The following TTC27 variants were observed in gnomAD, a reference collection of about 807,000 sequenced individuals.
TTC27 encodes tetratricopeptide repeat domain 27, also known as tetratricopeptide repeat protein 27.
In TTC27, 79 loss-of-function variants were observed where a neutral mutation model predicts 115.9. The ratio of observed to expected loss-of-function variants is 0.68; its 90% CI spans 0.57 to 0.82. TTC27 has a LOEUF of 0.82. TTC27 is among the 40% of genes least tolerant of loss of function. The pLI is 0.00. For missense variants in TTC27, 1,054 were observed against 993.1 expected (o/e 1.06, Z -0.82); for synonymous variants, 401 against 356.0 (o/e 1.13, Z -1.42).
Position 32,630,648 on chromosome 2 carries a change from A to G in TTC27, c.214A>G (p.Lys72Glu), listed in dbSNP as rs370539569. Residue 72 changes from lysine (K) to glutamate (E), a missense_variant, in exon 2 of 20, where the codon AAG becomes GAG. Transcript: ENST00000317907. ...AEEKIDSYLE[K>E]QVVTFLDYST... ...AGAAAAGATTGATAGCTACCTGGAG[A>G]AGCAGGTAGTAACATTCCTGGATTA... 12 of 1,613,696 alleles carry G rather than the reference A, an allele frequency of 7.4e-6. No individual in the cohort carries two copies. The highest frequency in any genetic ancestry group is 1.0e-5 in the Non-Finnish European group (12 of 1,179,876).
intron 3 of TTC27, among the ~76,000 whole-genome samples, chr2:32,635,631 C>T (rs1664391525): frequency 1.3e-5 from 2 of 152,122 alleles, no homozygotes; most frequent in South Asian, 2.1e-4. Context: ...TTGCAGTGAG[C>T]CAAGATCACG....
At chr2:32,703,582 T>TA (rs1182554650) in intron 10 of TTC27, among the ~76,000 whole-genome samples, 1 of 152,278 alleles carries the variant, frequency 6.6e-6, no homozygotes, top group East Asian at 1.9e-4. Context: ...TATAAAGAAG[T>TA]AAAATTCATC....
At chr2:32,726,750 T>A (rs1229337054) in intron 10 of TTC27, among the ~76,000 whole-genome samples, 1 of 152,204 alleles carries the variant, frequency 6.6e-6, no homozygotes. Context: ...CAATTTACTG[T>A]GTTAGTCCAT....
chr2:32,772,945 G>C (rs937364588), intron 13 of TTC27, among the ~76,000 whole-genome samples: 1 of 152,188 alleles, frequency 6.6e-6, no homozygotes, highest in African/African-American at 2.4e-5. Context: ...AAGTGACATA[G>C]CCAGGGTCGT....
intron 5 of TTC27, among the ~76,000 whole-genome samples, chr2:32,662,872 G>T (rs570619942): frequency 2.0e-5 from 3 of 152,252 alleles, no homozygotes; most frequent in East Asian, 3.9e-4. Context: ...TGATGTTAGG[G>T]TGTCGATTTT....
chr2:32,673,341 C>T (rs1007116360), intron 8 of TTC27, among the ~76,000 whole-genome samples: 1 of 151,970 alleles, frequency 6.6e-6, no homozygotes, highest in African/African-American at 2.4e-5. Context: ...TCTCTTGCCT[C>T]AGCCTCCTGA....
intron 10 of TTC27, among the ~76,000 whole-genome samples, chr2:32,713,435 T>A (rs1260058256): frequency 6.6e-6 from 1 of 152,214 alleles, no homozygotes; most frequent in Non-Finnish European, 1.5e-5. Flanking sequence ...AGTTCAGTCT[T>A]TGGAGATCAA....
chr2:32,663,641 TA>T (rs1559194008), intron 5 of TTC27, among the ~76,000 whole-genome samples: 373 of 18,022 alleles, frequency 0.021, 1 homozygote, highest in Non-Finnish European at 0.055. Flanking sequence ...CCTATTTATG[TA>T]TGTATGTATG....
chr2:32,807,980 A>C (rs1001784233), intron 16 of TTC27, among the ~76,000 whole-genome samples: 1 of 123,312 alleles, frequency 8.1e-6, no homozygotes, highest in Non-Finnish European at 1.6e-5. Flanking sequence ...GTTATCCAGG[A>C]TGGCATGCAG....
At chr2:32,657,161 A>G (rs1191093336) in intron 5 of TTC27, among the ~76,000 whole-genome samples, 2 of 149,374 alleles carry the variant, frequency 1.3e-5, no homozygotes, top group Non-Finnish European at 3.0e-5. Context: ...AATTTTTTGT[A>G]TTTTCAGTAG....
intron 10 of TTC27, among the ~76,000 whole-genome samples, chr2:32,713,914 C>T (rs530629668): frequency 1.3e-5 from 2 of 152,072 alleles, no homozygotes; most frequent in Non-Finnish European, 2.9e-5. Context: ...ATTCTTAGCT[C>T]CTTCCGCTCT....
chr2:32,688,869 C>A (rs1006076827), intron 9 of TTC27, among the ~76,000 whole-genome samples: 2 of 151,986 alleles, frequency 1.3e-5, no homozygotes, highest in African/African-American at 4.8e-5. Flanking sequence ...AGGTATTTAG[C>A]CATGAGAAAT....
intron 10 of TTC27, among the ~76,000 whole-genome samples, chr2:32,732,888 G>A (rs926565122): frequency 6.6e-6 from 1 of 152,160 alleles, no homozygotes; most frequent in Middle Eastern, 3.2e-3. Flanking sequence ...TTTGAGTACT[G>A]CATTGTAGAA....
chr2:32,793,022 A>G (rs1201663789), intron 16 of TTC27, among the ~76,000 whole-genome samples: 1 of 152,198 alleles, frequency 6.6e-6, no homozygotes, highest in Non-Finnish European at 1.5e-5. Context: ...AGAGAATGAA[A>G]CATAAGTTCT....
At chr2:32,769,533 C>T (rs1012256026) in intron 13 of TTC27, among the ~76,000 whole-genome samples, 1 of 151,966 alleles carries the variant, frequency 6.6e-6, no homozygotes, top group Non-Finnish European at 1.5e-5. Context: ...TACTGGAGAC[C>T]TTTACATGGA....
chr2:32,669,941 A>T (rs1430946178), intron 7 of TTC27, among the ~76,000 whole-genome samples: 3 of 151,294 alleles, frequency 2.0e-5, no homozygotes, highest in South Asian at 2.1e-4. Context: ...TATGTATTTT[A>T]ATTTTTTTAT....
intron 16 of TTC27, among the ~76,000 whole-genome samples, chr2:32,795,815 G>A (rs1262546163): frequency 1.3e-5 from 2 of 151,106 alleles, no homozygotes; most frequent in Non-Finnish European, 2.9e-5. Flanking sequence ...CTGACCTTAG[G>A]TGATCCACCC....
intron 16 of TTC27, among the ~76,000 whole-genome samples, chr2:32,792,807 A>G (rs1044775189): frequency 1.3e-5 from 2 of 152,238 alleles, no homozygotes; most frequent in African/African-American, 4.8e-5. Context: ...GACTAGCCCA[A>G]GGAAGTCAAG....
At chr2:32,672,908 T>C (rs1037196010) in intron 8 of TTC27, among the ~76,000 whole-genome samples, 2 of 152,338 alleles carry the variant, frequency 1.3e-5, no homozygotes, top group African/African-American at 4.8e-5. Context: ...AATAATGTTA[T>C]TTTTGTACAT....
Sources: gnomAD v4.1 joint callset for allele counts (sites outside exome capture counted in the v4.1 genomes callset) on GRCh38, gnomAD v4.1.1 for gene constraint, MANE v1.5 for transcripts, NCBI Gene and HGNC (gene_info 2026-07-23, HGNC 2026-07-21) for gene names.